The following SAMD3 variants were observed in gnomAD, a reference collection of about 807,000 sequenced individuals.
SAMD3 encodes sterile alpha motif domain containing 3.
Under a neutral mutation model 58.5 loss-of-function variants are expected in SAMD3, and 63 were observed. The ratio of observed to expected loss-of-function variants is 1.08; its 90% CI spans 0.88 to 1.33. The LOEUF (loss-of-function observed/expected upper bound fraction) is 1.33, where lower values mean the gene tolerates loss of function less well. SAMD3 is among the 40% of genes most tolerant of loss of function. SAMD3 has a pLI of 0.00. For missense variants in SAMD3, 604 were observed against 608.4 expected, an observed-to-expected ratio of 0.99 and a Z score of 0.08; for synonymous variants, 220 against 210.3, an observed-to-expected ratio of 1.05 and a Z score of -0.40.
At chr6:130,356,208 C>T (rs1777821591) in intron 1 of SAMD3, among the ~76,000 whole-genome samples, 1 of 152,170 alleles carries the variant, frequency 6.6e-6, no homozygotes, top group African/African-American at 2.4e-5. Context: ...ACTCCTTATC[C>T]TCTCTCATCA....
chr6:130,347,429 T>C (rs1777490927), intron 1 of SAMD3, among the ~76,000 whole-genome samples: 1 of 152,128 alleles, frequency 6.6e-6, no homozygotes, highest in Non-Finnish European at 1.5e-5. Flanking sequence ...ATGTGATGAA[T>C]GCACAAGCCT....
intron 8 of SAMD3, chr6:130,161,896 A>G (rs533603256): frequency 3.0e-4 from 57 of 190,272 alleles, no homozygotes; most frequent in Admixed American, 2.7e-3. Flanking sequence ...AGCTGGAAAC[A>G]GCTGCTGACT....
intron 1 of SAMD3, among the ~76,000 whole-genome samples, chr6:130,350,031 C>T (rs1777603203): frequency 6.6e-6 from 1 of 152,168 alleles, no homozygotes; most frequent in Non-Finnish European, 1.5e-5. Context: ...GCCCTTCATA[C>T]TAAAAACTCT....
intron 5 of SAMD3, among the ~76,000 whole-genome samples, chr6:130,189,036 C>G (rs1234538617): frequency 6.7e-6 from 1 of 148,904 alleles, no homozygotes; most frequent in Non-Finnish European, 1.5e-5. Flanking sequence ...AGATCTCCAA[C>G]AACAACTTGT....
chr6:130,254,752 C>T (rs563758508), intron 2 of SAMD3, among the ~76,000 whole-genome samples: 1 of 152,308 alleles, frequency 6.6e-6, no homozygotes, highest in South Asian at 2.1e-4. Flanking sequence ...GCTTTGGAAT[C>T]AAGGTAATAG....
intron 2 of SAMD3, among the ~76,000 whole-genome samples, chr6:130,257,179 A>G (rs1369493604): frequency 6.7e-6 from 1 of 149,794 alleles, no homozygotes; most frequent in Non-Finnish European, 1.5e-5. Context: ...CTCTCCTTAT[A>G]AGGACAGAGG....
chr6:130,355,805 A>G (rs140460801), intron 1 of SAMD3, among the ~76,000 whole-genome samples: 1 of 152,312 alleles, frequency 6.6e-6, no homozygotes, highest in African/African-American at 2.4e-5. Flanking sequence ...ACACCACAAG[A>G]AGAAGCAGGA....
chr6:130,251,896 G>A (rs73607946), intron 2 of SAMD3, among the ~76,000 whole-genome samples: 2,026 of 152,018 alleles, frequency 0.013, 41 homozygotes, highest in African/African-American at 0.046. Flanking sequence ...CTGATCCTGA[G>A]GGTTCTACAG....
intron 1 of SAMD3, among the ~76,000 whole-genome samples, chr6:130,346,247 C>T (rs1439723371): frequency 7.2e-5 from 11 of 152,202 alleles, no homozygotes; most frequent in Admixed American, 1.3e-4. Flanking sequence ...TGCAGCACAC[C>T]GAGCATGAGC....
upstream of SAMD3, among the ~76,000 whole-genome samples, chr6:130,226,642 C>G (rs752755517): frequency 6.6e-6 from 1 of 152,168 alleles, no homozygotes; most frequent in African/African-American, 2.4e-5. Flanking sequence ...GCCTGGTCAA[C>G]ATGGTGAAAC....
At chr6:130,277,585 A>G (rs1346525434) in intron 2 of SAMD3, among the ~76,000 whole-genome samples, 1 of 152,102 alleles carries the variant, frequency 6.6e-6, no homozygotes. Flanking sequence ...CTTGTTGCTT[A>G]TATAACTCCT....
chr6:130,288,965 A>T (rs1377421353), intron 2 of SAMD3, among the ~76,000 whole-genome samples: 1 of 152,220 alleles, frequency 6.6e-6, no homozygotes, highest in Non-Finnish European at 1.5e-5. Context: ...CCTTTGGTTA[A>T]CTTCTATGCG....
intron 1 of SAMD3, among the ~76,000 whole-genome samples, chr6:130,321,863 C>T (rs1776597138): frequency 6.6e-6 from 1 of 152,226 alleles, no homozygotes; most frequent in Non-Finnish European, 1.5e-5. Context: ...ATATATTCTA[C>T]ATATATTCAG....
chr6:130,200,148 G>A (rs1794513585), intron 5 of SAMD3, among the ~76,000 whole-genome samples: 1 of 151,992 alleles, frequency 6.6e-6, no homozygotes, highest in South Asian at 2.1e-4. Flanking sequence ...ATTCCTCTTG[G>A]TATTAACAGA....
At chr6:130,158,691 GAAAT>G (rs1790013401) in intron 8 of SAMD3, among the ~76,000 whole-genome samples, 1 of 152,186 alleles carries the variant, frequency 6.6e-6, no homozygotes, top group African/African-American at 2.4e-5. Flanking sequence ...ACAAAGCCAT[GAAAT>G]AAAGAAGCAA....
intron 1 of SAMD3, among the ~76,000 whole-genome samples, chr6:130,353,084 C>G (rs1777728590): frequency 1.3e-5 from 2 of 152,202 alleles, no homozygotes; most frequent in Admixed American, 1.3e-4. Flanking sequence ...GCTATACTCA[C>G]TACCAGTTAG....
At chr6:130,232,825 G>C (rs1406361391) in intron 2 of SAMD3, among the ~76,000 whole-genome samples, 1 of 152,156 alleles carries the variant, frequency 6.6e-6, no homozygotes, top group African/African-American at 2.4e-5. Context: ...AGGGGCACTT[G>C]ATACTATTTG....
chr6:130,191,744 G>C (rs1203525009), intron 5 of SAMD3, among the ~76,000 whole-genome samples: 1 of 151,828 alleles, frequency 6.6e-6, no homozygotes, highest in African/African-American at 2.4e-5. Flanking sequence ...AAATAAAACA[G>C]GTGATAGGAT....
At position 130,232,948 on chromosome 6, in the gene SAMD3, C is replaced by T. The variant is rs138267719; in HGVS notation, c.-187-10135G>A. The stretch of plus-strand genomic sequence containing the variant: ...GAGCATTTCAGAGATGTGGTACAAG[C>T]TTCAGGTCATTTGATGCGTGACACG... On this transcript the variant is annotated intron_variant, in intron 2 of 13. Transcript: ENST00000368134. 4.4e-3 allele frequency among the ~76,000 whole-genome samples: 663 copies of T among 152,212 alleles called. 4 individuals are homozygous for T. Among genetic ancestry groups the T allele is most frequent in the African/African-American group, 0.015 (636 of 41,524 alleles).
Sources: gnomAD v4.1 joint callset for allele counts (sites outside exome capture counted in the v4.1 genomes callset) on GRCh38, gnomAD v4.1.1 for gene constraint, MANE v1.5 for transcripts, NCBI Gene and HGNC (gene_info 2026-07-23, HGNC 2026-07-21) for gene names.